Variants in RELN observed in about 807,000 individuals in gnomAD.
The protein encoded by RELN is reelin.
In RELN, 108 loss-of-function variants were observed where a neutral mutation model predicts 427.6. The ratio of observed to expected loss-of-function variants is 0.25; its 90% CI spans 0.22 to 0.30. The LOEUF (loss-of-function observed/expected upper bound fraction) is 0.30. RELN is among the 10% of genes least tolerant of loss of function. RELN has a pLI of 1.00. For synonymous variants in RELN, 1,524 were observed against 1,513.4 expected (o/e 1.01, Z -0.16); for missense variants, 3,715 against 4,302.8 (o/e 0.86, Z 3.82).
chr7:103,583,728 TA>T (rs1831207309), intron 28 of RELN, among the ~76,000 whole-genome samples: 1 of 152,188 alleles, frequency 6.6e-6, no homozygotes, highest in South Asian at 2.1e-4. Flanking sequence ...AGGAAACAAG[TA>T]GCCAGCATGG....
chr7:103,979,583 G>T (rs7787367), intron 1 of RELN, among the ~76,000 whole-genome samples: 2,216 of 152,310 alleles, frequency 0.015, 59 homozygotes, highest in African/African-American at 0.051. Context: ...TATCCCATTG[G>T]GTTTATATCA....
chr7:103,524,947 T>C (rs1290968187), intron 46 of RELN, among the ~76,000 whole-genome samples: 3 of 152,112 alleles, frequency 2.0e-5, no homozygotes, highest in African/African-American at 7.2e-5. Context: ...GTCCCCTCCT[T>C]GGCCCACAAG....
intron 38 of RELN, 125 bp downstream of exon 38, chr7:103,556,852 G>A (rs1474456801): frequency 2.4e-6 from 2 of 831,712 alleles, no homozygotes; most frequent in Non-Finnish European, 4.2e-6. Context: ...AGTGAAGCAT[G>A]TAAAATGTGT....
intron 50 of RELN, chr7:103,513,497 G>A (rs2117071471): frequency 6.6e-6 from 1 of 152,290 alleles, no homozygotes. Context: ...AAGTTCTGAA[G>A]CAGATCTATG....
chr7:103,798,677 T>A (rs536147075), intron 3 of RELN, among the ~76,000 whole-genome samples: 1 of 152,302 alleles, frequency 6.6e-6, no homozygotes, highest in South Asian at 2.1e-4. Flanking sequence ...TGAGGACATC[T>A]CTAGGGCATT....
At chr7:103,752,242 G>C (rs1289561623) in intron 5 of RELN, among the ~76,000 whole-genome samples, 1 of 152,146 alleles carries the variant, frequency 6.6e-6, no homozygotes, top group East Asian at 1.9e-4. Flanking sequence ...GCTCAATATT[G>C]TGTGGCTAGC....
intron 8 of RELN, among the ~76,000 whole-genome samples, chr7:103,709,883 A>G (rs1452701577): frequency 6.6e-6 from 1 of 152,218 alleles, no homozygotes; most frequent in South Asian, 2.1e-4. Context: ...AGAAATCTCT[A>G]TGGTCCCTAT....
intron 48 of RELN, among the ~76,000 whole-genome samples, 162 bp from the exon 49 acceptor site, chr7:103,519,678 G>A (rs1829656245): frequency 6.6e-6 from 1 of 151,728 alleles, no homozygotes; most frequent in Admixed American, 6.6e-5. Context: ...GACCTCCTGG[G>A]TTCAAGTGAT....
chr7:103,948,981 C>A (rs1201182252), intron 1 of RELN, among the ~76,000 whole-genome samples: 1 of 142,782 alleles, frequency 7.0e-6, no homozygotes, highest in African/African-American at 2.7e-5. Flanking sequence ...TTGATTGCAC[C>A]ACTGTACTCC....
chr7:103,536,706 C>T (rs1830060089), intron 45 of RELN, among the ~76,000 whole-genome samples: 1 of 152,224 alleles, frequency 6.6e-6, no homozygotes, highest in African/African-American at 2.4e-5. Flanking sequence ...TTCTGAGTCT[C>T]CTGTCTTTTA....
At chr7:103,636,202 T>A in intron 18 of RELN, 33 bp downstream of exon 18, 1 of 1,394,512 alleles carries the variant, frequency 7.2e-7, no homozygotes, top group Non-Finnish European at 1.0e-6. Flanking sequence ...TAGTATCTGG[T>A]TTTTGTATGT....
chr7:103,954,343 A>C (rs1484504537), intron 1 of RELN, among the ~76,000 whole-genome samples: 1 of 152,206 alleles, frequency 6.6e-6, no homozygotes, highest in Non-Finnish European at 1.5e-5. Context: ...TACAGTTGCC[A>C]AGTATGCTAT....
intron 1 of RELN, among the ~76,000 whole-genome samples, chr7:103,954,522 C>A (rs1367300177): frequency 6.6e-6 from 1 of 152,076 alleles, no homozygotes; most frequent in African/African-American, 2.4e-5. Context: ...TCAATTCATC[C>A]TTTCTGGACA....
intron 3 of RELN, among the ~76,000 whole-genome samples, chr7:103,780,200 C>T (rs536391162): frequency 4.6e-5 from 7 of 152,340 alleles, no homozygotes; most frequent in African/African-American, 1.4e-4. Flanking sequence ...TACCATTTCT[C>T]TCTCTCAACC....
At chr7:103,884,622 G>A (rs1485201200) in intron 2 of RELN, among the ~76,000 whole-genome samples, 1 of 152,160 alleles carries the variant, frequency 6.6e-6, no homozygotes, top group Non-Finnish European at 1.5e-5. Context: ...AGTGGGTGAA[G>A]GATATGAACA....
At chr7:103,793,967 A>G (rs1792234149) in intron 3 of RELN, among the ~76,000 whole-genome samples, 1 of 152,100 alleles carries the variant, frequency 6.6e-6, no homozygotes, top group Admixed American at 6.5e-5. Flanking sequence ...GGGTTTCACC[A>G]TGTTGGCCAG....
intron 4 of RELN, among the ~76,000 whole-genome samples, chr7:103,768,988 A>G (rs997482940): frequency 3.3e-5 from 5 of 152,214 alleles, no homozygotes; most frequent in Non-Finnish European, 7.3e-5. Flanking sequence ...AAATTACAAA[A>G]CAGAGATACA....
At chr7:103,562,228 T>C (rs1463453893) in intron 34 of RELN, among the ~76,000 whole-genome samples, 1 of 152,214 alleles carries the variant, frequency 6.6e-6, no homozygotes, top group Non-Finnish European at 1.5e-5. Context: ...GGAAAAGTTA[T>C]TTTGAACTAT....
chr7:103,841,082 A>G (rs1157484113), intron 2 of RELN, among the ~76,000 whole-genome samples: 8 of 152,224 alleles, frequency 5.3e-5, no homozygotes, highest in Non-Finnish European at 1.2e-4. Context: ...GAGAAAATAA[A>G]CAAGTCAAAT....
Sources: allele counts gnomAD v4.1 joint callset (sites outside exome capture counted in the v4.1 genomes callset), GRCh38; gene constraint gnomAD v4.1.1; transcripts MANE v1.5; gene names NCBI Gene and HGNC (gene_info 2026-07-23, HGNC 2026-07-21).